ERC2: variants seen among roughly 807,000 people sequenced by gnomAD.
ERC2 encodes ELKS/RAB6-interacting/CAST family member 2.
Under a neutral mutation model 114.8 loss-of-function variants are expected in ERC2, and 42 were observed. The ratio of observed to expected loss-of-function variants is 0.37; its 90% confidence interval spans 0.29 to 0.47. ERC2 has a LOEUF of 0.47. Ranked by LOEUF, ERC2 falls within the 20% of genes least tolerant of loss-of-function variation. ERC2 has a pLI of 0.99. For synonymous variants in ERC2, 454 were observed against 425.5 expected (o/e 1.07, Z -0.82); for missense variants, 939 against 1,150.7 (o/e 0.82, Z 2.66).
intron 12 of ERC2, among the ~76,000 whole-genome samples, chr3:55,953,443 AC>A (rs1416232460): frequency 2.6e-5 from 4 of 152,206 alleles, no homozygotes; most frequent in African/African-American, 9.7e-5. Context: ...GTCAATAGCT[AC>A]ATATAGTGTC....
chr3:56,083,021 A>C (rs186368804), intron 6 of ERC2, among the ~76,000 whole-genome samples: 170 of 152,302 alleles, frequency 1.1e-3, no homozygotes, highest in African/African-American at 4.0e-3. Context: ...GTCTTCCACA[A>C]AACTGGTCGC....
intron 6 of ERC2, among the ~76,000 whole-genome samples, chr3:56,118,360 A>G (rs958873929): frequency 6.6e-6 from 1 of 152,256 alleles, no homozygotes; most frequent in Non-Finnish European, 1.5e-5. Flanking sequence ...CTAAAACACC[A>G]TAGGTGAGCA....
intron 13 of ERC2, among the ~76,000 whole-genome samples, chr3:55,898,239 G>A (rs1166673401): frequency 1.3e-5 from 2 of 152,152 alleles, no homozygotes; most frequent in African/African-American, 4.8e-5. Context: ...CTCAGTGGAA[G>A]TTCCTCAAGA....
chr3:55,818,607 A>G (rs1033417027), intron 14 of ERC2, among the ~76,000 whole-genome samples: 1 of 152,216 alleles, frequency 6.6e-6, no homozygotes, highest in Non-Finnish European at 1.5e-5. Context: ...GATACTTAGC[A>G]AGTGACCTAA....
chr3:56,200,139 C>T (rs1266290756), intron 3 of ERC2, among the ~76,000 whole-genome samples: 1 of 152,092 alleles, frequency 6.6e-6, no homozygotes, highest in Non-Finnish European at 1.5e-5. Context: ...TTATACATCA[C>T]CCAGCACCAG....
At chr3:56,395,336 A>G (rs1419622795) in intron 2 of ERC2, among the ~76,000 whole-genome samples, 1 of 152,172 alleles carries the variant, frequency 6.6e-6, no homozygotes, top group East Asian at 1.9e-4. Flanking sequence ...AGCTGTTAAA[A>G]CCAAAGTGCC....
At chr3:56,139,467 T>C (rs2080720125) in intron 6 of ERC2, 42 bp downstream of exon 6, 1 of 1,575,428 alleles carries the variant, frequency 6.3e-7, no homozygotes, top group Non-Finnish European at 8.6e-7. Flanking sequence ...TTTCTATCAA[T>C]TCAATGTCTC....
At chr3:56,092,017 A>G (rs1464729790) in intron 6 of ERC2, among the ~76,000 whole-genome samples, 1 of 152,202 alleles carries the variant, frequency 6.6e-6, no homozygotes, top group Non-Finnish European at 1.5e-5. Flanking sequence ...AAGAAAAACA[A>G]TAATGATTGT....
Position 55,992,142 on chromosome 3 carries a change from C to A in ERC2, c.2170G>T (p.Ala724Ser). The A allele has an allele frequency of 6.2e-7, 1 of 1,613,968 alleles. No homozygotes were observed. ...YYRDECGKAQ[A>S]EVDRLLEILK... ...ATCTCCAGCAACCGGTCCACTTCCGCTTGGGCCTTGCCACACTCGTCGCGG... is the reference window on the plus strand; with the variant it reads ...ATCTCCAGCAACCGGTCCACTTCCGATTGGGCCTTGCCACACTCGTCGCGG... The change falls in exon 11 of 18, where the codon GCG becomes TCG. Residue 724 changes from alanine (A) to serine (S), a missense_variant. By Grantham distance (99) the Ala-to-Ser change is moderately conservative (BLOSUM62 1). This residue lies in a region of ERC2 where 328 missense variants were observed against 353.9 expected (regional missense o/e 0.93). Coordinates refer to ENST00000288221, the MANE Select transcript of ERC2 (RefSeq NM_015576.3).
chr3:56,461,151 C>T (rs1324488900), intron 1 of ERC2, among the ~76,000 whole-genome samples: 1 of 152,106 alleles, frequency 6.6e-6, no homozygotes, highest in Non-Finnish European at 1.5e-5. Flanking sequence ...ATGTAGATGC[C>T]AGCCCACTCT....
At chr3:56,374,684 C>T (rs2059475349) in intron 2 of ERC2, among the ~76,000 whole-genome samples, 1 of 152,076 alleles carries the variant, frequency 6.6e-6, no homozygotes. Flanking sequence ...GTTATCAGTA[C>T]CCACTATTAT....
chr3:55,877,607 G>T (rs1030787303), intron 14 of ERC2, among the ~76,000 whole-genome samples: 8 of 151,006 alleles, frequency 5.3e-5, no homozygotes, highest in Admixed American at 3.3e-4. Flanking sequence ...AACCTCCCAG[G>T]CTCAAGAGAT....
intron 3 of ERC2, among the ~76,000 whole-genome samples, chr3:56,175,171 C>G (rs1486670793): frequency 6.6e-6 from 1 of 152,114 alleles, no homozygotes; most frequent in Non-Finnish European, 1.5e-5. Flanking sequence ...TGTCCAAGGA[C>G]CAGTGTGGGG....
intron 12 of ERC2, among the ~76,000 whole-genome samples, chr3:55,954,984 A>G (rs1457973832): frequency 6.6e-6 from 1 of 152,196 alleles, no homozygotes; most frequent in African/African-American, 2.4e-5. Flanking sequence ...CTCGCTAAAA[A>G]GATTAAGGCA....
At chr3:55,664,092 G>A (rs996258066) in intron 17 of ERC2, among the ~76,000 whole-genome samples, 10 of 152,188 alleles carry the variant, frequency 6.6e-5, no homozygotes, top group African/African-American at 1.9e-4. Flanking sequence ...TTGCCTGGGA[G>A]AAGAGTTGCC....
At chr3:55,986,964 T>A (rs2070687826) in intron 11 of ERC2, among the ~76,000 whole-genome samples, 1 of 151,938 alleles carries the variant, frequency 6.6e-6, no homozygotes, top group Non-Finnish European at 1.5e-5. Context: ...GCCCCACCAT[T>A]CCATACTATA....
At chr3:55,970,668 T>C (rs757476989) in intron 12 of ERC2, among the ~76,000 whole-genome samples, 7 of 152,146 alleles carry the variant, frequency 4.6e-5, no homozygotes, top group Non-Finnish European at 7.4e-5. Context: ...AGGATGGCTA[T>C]GGTCAAAAAG....
intron 10 of ERC2, among the ~76,000 whole-genome samples, chr3:55,994,304 A>G (rs1976791): frequency 0.71 from 108,024 of 151,878 alleles, 38,558 homozygotes; most frequent in East Asian, 0.83. Flanking sequence ...TCCTGATGCT[A>G]ATTTTTAAAA....
intron 17 of ERC2, among the ~76,000 whole-genome samples, chr3:55,676,839 C>A (rs942950216): frequency 6.6e-6 from 1 of 152,184 alleles, no homozygotes; most frequent in Admixed American, 6.5e-5. Flanking sequence ...TGTAATGTAA[C>A]AACACTCTGC....
Sources: gnomAD v4.1 joint callset for allele counts (sites outside exome capture counted in the v4.1 genomes callset) on GRCh38, gnomAD v4.1.1 for gene constraint, gnomAD v4.1.1 regional missense constraint, MANE v1.5 for transcripts, NCBI Gene and HGNC (gene_info 2026-07-23, HGNC 2026-07-21) for gene names.